Variants in CDH18 observed in about 807,000 individuals in gnomAD.
The protein encoded by CDH18 is cadherin 18, also known as cadherin-18.
In CDH18, 31 loss-of-function variants were observed where a neutral mutation model predicts 67.9. That is an observed-to-expected ratio of 0.46 (90% CI 0.34 to 0.62). The LOEUF is 0.62. CDH18 is among the 20% of genes least tolerant of loss of function. The pLI is 0.01. For synonymous variants in CDH18, 362 were observed against 347.2 expected (o/e 1.04, Z -0.48); for missense variants, 890 against 975.5 (o/e 0.91, Z 1.17).
chr5:19,473,382 G>T lies in CDH18; in HGVS notation c.2217C>A (p.Ala739=). 6.2e-7 allele frequency: 1 copy of T among 1,613,794 alleles called. No individual in the cohort carries two copies. Among genetic ancestry groups the T allele is most frequent in the Non-Finnish European group, 8.5e-7 (1 of 1,179,850 alleles). The change falls in exon 13 of 13, where the codon GCC becomes GCA. Residue 739 remains alanine, a synonymous_variant. Coordinates refer to ENST00000382275, the MANE Select transcript of CDH18 (RefSeq NM_004934.5). ...VPPYDSLQTY[A]YEGQRSEAGS... is the part of the protein sequence containing the mutation. ...CAGCTTCTGATCTCTGACCCTCATAGGCATAAGTCTGAAGAGAGTCATAAG... is the reference window on the plus strand; with the variant it reads ...CAGCTTCTGATCTCTGACCCTCATATGCATAAGTCTGAAGAGAGTCATAAG...
At chr5:20,284,585 T>C (rs1376940384) in intron 1 of CDH18, among the ~76,000 whole-genome samples, 1 of 151,932 alleles carries the variant, frequency 6.6e-6, no homozygotes, top group East Asian at 1.9e-4. Flanking sequence ...GTCAATTCAC[T>C]AAAATCAATA....
At position 20,460,440 on chromosome 5, in the gene CDH18, T is replaced by TAAAA. The variant is rs1241959127; in HGVS notation, c.-580+115018_-580+115021dup. On this transcript the variant is annotated intron_variant, in intron 1 of 14. Transcript: ENST00000507958. ...ATAAATAAATAAATAAATAAATAAA[T>TAAAA]AAAATATGTTGCGTGACTGAGGCAT... Among the ~76,000 whole-genome samples, 646 of 130,222 alleles carry TAAAA rather than the reference T, an allele frequency of 5.0e-3. 8 individuals are homozygous for TAAAA. Among genetic ancestry groups the TAAAA allele is most frequent in the Middle Eastern group, 0.017 (4 of 238 alleles). 85.4% of individuals were successfully genotyped at this position (130,222 alleles called of 152,430 possible).
rs111687534 is a variant in CDH18 at position 19,529,843 on chromosome 5, A to G, written c.1391-9065T>C. ...TGTTTACTCATGGATAAAATGCTCAATGTTGTTCATTGAGGTGTCCATGCT... is the reference window on the plus strand; with the variant it reads ...TGTTTACTCATGGATAAAATGCTCAGTGTTGTTCATTGAGGTGTCCATGCT... On this transcript the variant is annotated intron_variant, in intron 9 of 12. Coordinates refer to ENST00000382275, the MANE Select transcript of CDH18 (RefSeq NM_004934.5). Among the ~76,000 whole-genome samples, 850 of 152,268 alleles carry G rather than the reference A, an allele frequency of 5.6e-3. 11 individuals carry two copies. The highest frequency in any genetic ancestry group is 0.019 in the African/African-American group (804 of 41,572).
At chr5:20,200,974 C>G (rs914365534) in intron 2 of CDH18, among the ~76,000 whole-genome samples, 4 of 151,998 alleles carry the variant, frequency 2.6e-5, no homozygotes, top group African/African-American at 9.7e-5. Flanking sequence ...TCCCTGTAAT[C>G]TAATTGTATT....
intron 1 of CDH18, among the ~76,000 whole-genome samples, chr5:20,277,784 T>G (rs113334771): frequency 3.5e-4 from 53 of 152,174 alleles, no homozygotes; most frequent in African/African-American, 1.3e-3. Context: ...GAGAAAGAAT[T>G]CAGAATTGTA....
intron 4 of CDH18, among the ~76,000 whole-genome samples, chr5:19,739,097 G>C (rs1303301020): frequency 6.6e-6 from 1 of 151,936 alleles, no homozygotes; most frequent in Non-Finnish European, 1.5e-5. Context: ...ACAGATATTG[G>C]AACAATTATG....
In CDH18 at chr5:19,903,801, G is replaced by T. The variant is rs7713261; in HGVS notation, c.-256-64559C>A. 2.6e-3 allele frequency among the ~76,000 whole-genome samples: 393 copies of T among 151,884 alleles called. 1 individual carries two copies. Among genetic ancestry groups the T allele is most frequent in the African/African-American group, 9.0e-3 (373 of 41,448 alleles). On this transcript the variant is annotated intron_variant, in intron 2 of 12. Transcript: ENST00000382275. Reference sequence around the variant, plus strand: ...GAGGGTTCCTTCCAAATTGCATGCTGACAACTAGGGCTGTGCTCCAGAAAA... The same window carrying T: ...GAGGGTTCCTTCCAAATTGCATGCTTACAACTAGGGCTGTGCTCCAGAAAA...
chr5:20,249,167 C>A (rs1024181937), intron 2 of CDH18, among the ~76,000 whole-genome samples: 1 of 151,992 alleles, frequency 6.6e-6, no homozygotes, highest in Non-Finnish European at 1.5e-5. Context: ...AAGGGAAGAG[C>A]AAATATTAAA....
At chr5:19,598,159 A>C (rs1005559133) in intron 6 of CDH18, among the ~76,000 whole-genome samples, 1 of 152,172 alleles carries the variant, frequency 6.6e-6, no homozygotes, top group African/African-American at 2.4e-5. Flanking sequence ...CTACTTTGCT[A>C]ATATCTCAGT....
At chr5:20,170,010 A>G (rs1054308519) in intron 2 of CDH18, among the ~76,000 whole-genome samples, 3 of 151,978 alleles carry the variant, frequency 2.0e-5, no homozygotes, top group Non-Finnish European at 4.4e-5. Flanking sequence ...TATTATATTT[A>G]TATTTTTCTT....
At chr5:19,935,689 C>G (rs552961577) in intron 2 of CDH18, among the ~76,000 whole-genome samples, 57 of 150,990 alleles carry the variant, frequency 3.8e-4, no homozygotes, top group African/African-American at 1.3e-3. Flanking sequence ...ATTCATTATC[C>G]CCTTTGTATT....
At chr5:20,484,203 A>T (rs1226043200) in intron 1 of CDH18, among the ~76,000 whole-genome samples, 4 of 152,098 alleles carry the variant, frequency 2.6e-5, no homozygotes, top group African/African-American at 4.8e-5. Flanking sequence ...TCATCAGAAA[A>T]ATGCAAATTA....
At chr5:20,262,562 T>C (rs1263326020) in intron 1 of CDH18, among the ~76,000 whole-genome samples, 1 of 152,042 alleles carries the variant, frequency 6.6e-6, no homozygotes, top group Non-Finnish European at 1.5e-5. Flanking sequence ...CCTAGCCCCA[T>C]GGGGATCCCT....
intron 2 of CDH18, among the ~76,000 whole-genome samples, chr5:20,095,313 A>C (rs1163840059): frequency 1.9e-4 from 5 of 26,662 alleles, no homozygotes; most frequent in African/African-American, 5.1e-4. Context: ...GAAAGAAAGA[A>C]AGAAAGAAAG....
At chr5:20,258,119 C>A (rs1305831927) in intron 1 of CDH18, among the ~76,000 whole-genome samples, 1 of 152,000 alleles carries the variant, frequency 6.6e-6, no homozygotes, top group Non-Finnish European at 1.5e-5. Flanking sequence ...AACAGCAAAA[C>A]CTAATATTAT....
chr5:19,832,523 C>G (rs1425719379), intron 3 of CDH18, among the ~76,000 whole-genome samples: 1 of 152,008 alleles, frequency 6.6e-6, no homozygotes, highest in Non-Finnish European at 1.5e-5. Context: ...CTCACGTTTA[C>G]AGTGATCACA....
chr5:20,375,850 G>A (rs552500126), intron 1 of CDH18, among the ~76,000 whole-genome samples: 1 of 152,048 alleles, frequency 6.6e-6, no homozygotes, highest in Admixed American at 6.6e-5. Flanking sequence ...ACTCGGGACT[G>A]GGAAGAAAAA....
intron 1 of CDH18, among the ~76,000 whole-genome samples, chr5:20,334,888 G>T (rs1338372823): frequency 6.6e-6 from 1 of 151,946 alleles, no homozygotes; most frequent in African/African-American, 2.4e-5. Flanking sequence ...CTTAGATCCA[G>T]CAGGACAATA....
chr5:20,141,696 G>A (rs2126526679), intron 2 of CDH18, among the ~76,000 whole-genome samples: 1 of 152,084 alleles, frequency 6.6e-6, no homozygotes, highest in Admixed American at 6.6e-5. Context: ...GGGTTTATTG[G>A]GTGCAAATTA....
Sources: gnomAD v4.1 joint callset for allele counts (sites outside exome capture counted in the v4.1 genomes callset) on GRCh38, gnomAD v4.1.1 for gene constraint, MANE v1.5 for transcripts, NCBI Gene and HGNC (gene_info 2026-07-23, HGNC 2026-07-21) for gene names.